Variants in NT5C1A observed in about 807,000 individuals in gnomAD.
The protein encoded by NT5C1A is cytosolic 5'-nucleotidase 1A.
NT5C1A carries 18 observed loss-of-function variants against 31.0 expected under a neutral mutation model. The observed-to-expected ratio is 0.58, with a 90% CI of 0.40 to 0.86. The LOEUF (loss-of-function observed/expected upper bound fraction) is 0.86. NT5C1A is among the 40% of genes least tolerant of loss of function. NT5C1A has a pLI of 0.00. For synonymous variants in NT5C1A, 185 were observed against 203.6 expected, an observed-to-expected ratio of 0.91 and a Z score of 0.78; for missense variants, 470 against 505.4, an observed-to-expected ratio of 0.93 and a Z score of 0.67.
At chr1:39,663,885 T>TACCC (rs1326521842) in intron 3 of NT5C1A, among the ~76,000 whole-genome samples, 1 of 152,166 alleles carries the variant, frequency 6.6e-6, no homozygotes, top group African/African-American at 2.4e-5. Context: ...CGCAGCCCCT[T>TACCC]ACCCAGGACC....
At chr1:39,664,505 T>A (rs1425093162) in intron 3 of NT5C1A, among the ~76,000 whole-genome samples, 1 of 67,790 alleles carries the variant, frequency 1.5e-5, no homozygotes, top group Non-Finnish European at 2.7e-5. Flanking sequence ...TCTCCTCTCC[T>A]CTCCTCTCCT....
intron 1 of NT5C1A, 70 bp from the exon 2 acceptor site, chr1:39,666,306 C>T: frequency 1.3e-6 from 2 of 1,493,494 alleles, no homozygotes. Flanking sequence ...ATGTGTGAGT[C>T]TCCCTGGGTA....
Position 39,659,034 on chromosome 1 carries a change from T to G in NT5C1A, c.*87A>C. The stretch of plus-strand genomic sequence containing the variant: ...GCAGACAGGCAGAAGGACAGAACAG[T>G]GAGAAACTAGAGGGATCTACCAGAG... On this transcript the variant is annotated 3_prime_UTR_variant, in exon 6 of 6. Coordinates refer to ENST00000235628, the MANE Select transcript of NT5C1A (RefSeq NM_032526.3). 4.1e-6 allele frequency: 6 copies of G among 1,478,318 alleles called. No homozygotes were observed. Among genetic ancestry groups the G allele is most frequent in the Non-Finnish European group, 4.5e-6 (5 of 1,108,108 alleles). The allele number at this position is 1,478,318 out of a possible 1,614,324, so 91.6% of individuals were successfully genotyped here.
At chr1:39,662,928 C>T (rs1017382266) in intron 4 of NT5C1A, among the ~76,000 whole-genome samples, 16 of 152,206 alleles carry the variant, frequency 1.1e-4, no homozygotes, top group South Asian at 1.0e-3. Context: ...AGATATGAAT[C>T]CTCCTTCCCA....
In NT5C1A at chr1:39,655,557, C is replaced by T. The variant is rs1646454715; in HGVS notation, c.*3564G>A. On this transcript the variant is annotated 3_prime_UTR_variant, in exon 6 of 6. Transcript: ENST00000235628. The stretch of plus-strand genomic sequence containing the variant: ...CTCAGAATGGAGCTTCTCTGGCTAT[C>T]TCCATGCATATGTATGAGCAGTATG... 1.3e-5 allele frequency among the ~76,000 whole-genome samples: 2 copies of T among 152,286 alleles called. No individual in the cohort carries two copies. Among genetic ancestry groups the T allele is most frequent in the Middle Eastern group, 3.4e-3 (1 of 294 alleles).
At position 39,665,584 on chromosome 1, in the gene NT5C1A, C is replaced by T. The variant is rs1289830312; in HGVS notation, c.370G>A (p.Val124Ile). 7 of 1,613,460 alleles carry T rather than the reference C, an allele frequency of 4.3e-6. No individual in the cohort carries two copies. Among genetic ancestry groups the T allele is most frequent in the South Asian group, 1.1e-5 (1 of 91,078 alleles). Residue 124 changes from valine (V) to isoleucine (I), a missense_variant, in exon 3 of 6, where the codon GTC becomes ATC. Val to Ile is a conservative substitution (Grantham distance 29, BLOSUM62 3). Coordinates refer to ENST00000235628, the MANE Select transcript of NT5C1A (RefSeq NM_032526.3). Reference sequence around the variant, plus strand: ...TGAGCATGGTTGTTAGTCATGAGGACGATGTCGAAGACGTCCTCACTATCA... The same window carrying T: ...TGAGCATGGTTGTTAGTCATGAGGATGATGTCGAAGACGTCCTCACTATCA... ...YPDSEDVFDI[V>I]LMTNNHAQVG...
chr1:39,670,639 C>T (rs1296463830), intron 1 of NT5C1A, among the ~76,000 whole-genome samples: 1 of 152,218 alleles, frequency 6.6e-6, no homozygotes, highest in Non-Finnish European at 1.5e-5. Context: ...TTAACATGAT[C>T]CCCAAGGCCC....
chr1:39,659,311 G>C lies in NT5C1A; in HGVS notation c.917C>G (p.Ala306Gly). ...CTTGGGCGCTCCAGCAAGGAACAAGGCTTCATCTGTCTCCAGGCCCCAGCT... is the reference window on the plus strand; with the variant it reads ...CTTGGGCGCTCCAGCAAGGAACAAGCCTTCATCTGTCTCCAGGCCCCAGCT... The part of the protein sequence containing the change: ...LRSWGLETDE[A>G]LFLAGAPKGP... The change falls in exon 6 of 6, where the codon GCC becomes GGC. Residue 306 changes from alanine to glycine, a missense_variant. Coordinates refer to ENST00000235628, the MANE Select transcript of NT5C1A (RefSeq NM_032526.3). 1 of 1,614,040 alleles carries C rather than the reference G, an allele frequency of 6.2e-7. No homozygotes were observed. The highest frequency in any genetic ancestry group is 8.5e-7 in the Non-Finnish European group (1 of 1,180,026).
At chr1:39,662,944 C>T (rs1570458350) in intron 4 of NT5C1A, among the ~76,000 whole-genome samples, 1 of 152,146 alleles carries the variant, frequency 6.6e-6, no homozygotes, top group Non-Finnish European at 1.5e-5. Context: ...TCCCATTGGC[C>T]CAGGGCAGGG....
At position 39,654,530 on chromosome 1, in the gene NT5C1A, C is replaced by A. The variant is rs1201576812; in HGVS notation, c.*4591G>T. Among the ~76,000 whole-genome samples the A allele has an allele frequency of 6.6e-6, 1 of 152,228 alleles. No homozygotes were observed. The highest frequency in any genetic ancestry group is 1.9e-4 in the East Asian group (1 of 5,200). ...GACAGCCAGCTGGGCTCATCCCCAG[C>A]CAAGGGCCCTGCTCCTGCCCTCTCA... is the stretch of plus-strand genomic sequence containing the variant. On this transcript the variant is annotated 3_prime_UTR_variant, in exon 6 of 6. Transcript: ENST00000235628.
chr1:39,651,658 G>A lies in NT5C1A; in HGVS notation c.*7463C>T, dbSNP rs568088184. Among the ~76,000 whole-genome samples the A allele has an allele frequency of 2.0e-4, 30 of 152,266 alleles. No homozygotes were observed. The highest frequency in any genetic ancestry group is 3.4e-3 in the Middle Eastern group (1 of 294). ...ATGCACACAGGTTTCATTTTTCATCGTATTCTATATCGGAGGTTATTGAGA... is the reference window on the plus strand; with the variant it reads ...ATGCACACAGGTTTCATTTTTCATCATATTCTATATCGGAGGTTATTGAGA... On this transcript the variant is annotated 3_prime_UTR_variant, in exon 6 of 6. Transcript: ENST00000235628.
intron 1 of NT5C1A, among the ~76,000 whole-genome samples, chr1:39,671,418 G>A (rs1436097002): frequency 1.3e-5 from 2 of 152,192 alleles, no homozygotes; most frequent in Non-Finnish European, 2.9e-5. Flanking sequence ...CGCGGGGAGC[G>A]CACTGCCCCC....
Position 39,661,013 on chromosome 1 carries a change from C to G in NT5C1A, c.741+66G>C. 4.3e-6 allele frequency: 4 copies of G among 924,034 alleles called. 1 individual carries two copies. The South Asian group carries it at 7.0e-5, about 16-fold the overall frequency. 57.2% of individuals were successfully genotyped at this position (924,034 alleles called of 1,614,324 possible). A position where few individuals can be genotyped will look rare whatever the true frequency, so the allele number is the denominator to read the frequency against. On this transcript the variant is annotated intron_variant, in intron 5 of 5. Transcript: ENST00000235628. ...TTTGTTTGCTTCCAGGCTGGGAGTG[C>G]AGGCCAAGGGCAGGTCTGGGGAGCT...
At chr1:39,671,812 G>A (rs1282070952) in intron 1 of NT5C1A, 92 bp downstream of exon 1, 6 of 1,491,906 alleles carry the variant, frequency 4.0e-6, no homozygotes, top group Non-Finnish European at 5.5e-6. Flanking sequence ...CCCTCCCAGA[G>A]GGGCGCCACG....
intron 3 of NT5C1A, 27 bp downstream of exon 3, chr1:39,665,494 A>C: frequency 6.3e-7 from 1 of 1,593,598 alleles, no homozygotes; most frequent in Non-Finnish European, 8.5e-7. Context: ...CCCAGGGCAA[A>C]CCCCCCATCC....
In NT5C1A at chr1:39,661,073, G is replaced by A. The variant is rs1200877525; in HGVS notation, c.741+6C>T. ...CTCTCAGGGGTTCTGGGTCTATGGG[G>A]AGCACCTGAGCCAGAGGTTTGTTCT... is the stretch of plus-strand genomic sequence containing the variant. On this transcript the variant is annotated splice_donor_region_variant and intron_variant, in intron 5 of 5. Transcript: ENST00000235628. 1.9e-6 allele frequency: 3 copies of A among 1,559,764 alleles called. No individual in the cohort carries two copies. The highest frequency in any genetic ancestry group is 2.6e-6 in the Non-Finnish European group (3 of 1,134,920).
Position 39,659,158 on chromosome 1 carries a change from C to T in NT5C1A, c.1070G>A (p.Arg357Gln), listed in dbSNP as rs569496624. 1.5e-4 allele frequency: 236 copies of T among 1,610,556 alleles called. 2 individuals carry two copies. The South Asian group carries it at 2.0e-3, about 14-fold the overall frequency. ...VPYGVAQTPR[R>Q]TAPAKQAPSA... ...TGGGGCCTGCTTTGCAGGTGCAGTC[C>T]GCCGGGGTGTCTGTGCCACACCATA... is the stretch of plus-strand genomic sequence containing the variant. Residue 357 changes from arginine (R) to glutamine (Q), a missense_variant, in exon 6 of 6, where the codon CGG becomes CAG. By Grantham distance (43) the Arg-to-Gln change is conservative. Transcript: ENST00000235628.
chr1:39,664,617 C>G (rs564125251), intron 3 of NT5C1A, among the ~76,000 whole-genome samples: 1 of 143,824 alleles, frequency 7.0e-6, no homozygotes. Context: ...CTCAGCCTCC[C>G]GAATAGCTGG....
At chr1:39,661,016 G>A in intron 5 of NT5C1A, 63 bp downstream of exon 5, 2 of 983,032 alleles carry the variant, frequency 2.0e-6, no homozygotes, top group Non-Finnish European at 3.1e-6. Flanking sequence ...GGGAGTGCAG[G>A]CCAAGGGCAG....
Sources: allele counts gnomAD v4.1 joint callset (sites outside exome capture counted in the v4.1 genomes callset), GRCh38; gene constraint gnomAD v4.1.1; transcripts MANE v1.5; gene names NCBI Gene and HGNC (gene_info 2026-07-23, HGNC 2026-07-21).